LYST: variants seen among roughly 807,000 people sequenced by gnomAD.
LYST encodes the protein lysosomal trafficking regulator, also known as lysosomal-trafficking regulator.
LYST carries 192 observed loss-of-function variants against 413.6 expected under a neutral mutation model. That is an observed-to-expected ratio of 0.46 (90% confidence interval 0.41 to 0.52). The LOEUF (loss-of-function observed/expected upper bound fraction) is 0.52. Among genes scored for constraint, LYST ranks in the 20% least tolerant of loss-of-function variants. LYST has a pLI of 0.00. For synonymous variants in LYST, 1,525 were observed against 1,567.3 expected (o/e 0.97, Z 0.64); for missense variants, 3,815 against 4,499.9 (o/e 0.85, Z 4.35).
chr1:235,783,275 G>GTT (rs76048582), intron 14 of LYST, among the ~76,000 whole-genome samples: 1 of 145,376 alleles, frequency 6.9e-6, no homozygotes, highest in East Asian at 2.0e-4. Context: ...CTATTTTAAT[G>GTT]TTTTTTTTTT....
Position 235,759,578 on chromosome 1 carries a change from A to G in LYST, c.6275T>C (p.Ile2092Thr). 6.2e-7 allele frequency: 1 copy of G among 1,613,322 alleles called. No homozygotes were observed. The highest frequency in any genetic ancestry group is 8.5e-7 in the Non-Finnish European group (1 of 1,179,344). Reference protein sequence around the residue: ...PYEGENSSNIIPQQMAAHMLR... With the variant: ...PYEGENSSNITPQQMAAHMLR... ...CATATGGGCGGCCATCTGTTGTGGA[A>G]TAATATTAGAGGAATTCTCTCCTGG... is the stretch of plus-strand genomic sequence containing the variant. The change falls in exon 23 of 53, where the codon ATT becomes ACT. Residue 2092 changes from isoleucine (I) to threonine (T), a missense_variant. Transcript: ENST00000389793.
chr1:235,762,753 T>A lies in LYST; in HGVS notation c.6220A>T (p.Ser2074Cys). 6.2e-7 allele frequency: 1 copy of A among 1,613,594 alleles called. No homozygotes were observed. The highest frequency in any genetic ancestry group is 8.5e-7 in the Non-Finnish European group (1 of 1,179,630). Residue 2074 changes from serine to cysteine, a missense_variant, in exon 22 of 53, where the codon AGC (serine) becomes TGC (cysteine). Physicochemically the swap from Ser to Cys is moderately radical, Grantham distance 112. Around this residue, in one of 4 missense-constraint regions of LYST, gnomAD observed 530 missense variants for 696.5 expected, o/e 0.76. Coordinates refer to ENST00000389793, the MANE Select transcript of LYST (RefSeq NM_000081.4). ...SLMSPGFMVI[S>C]PSGFTASPYE... ...GGTGAAGCAGTAAAACCAGATGGGC[T>A]TATTACCATAAATCCAGGGCTCATA...
chr1:235,774,133 T>G, intron 18 of LYST, 142 bp from the exon 19 acceptor site: 1 of 645,114 alleles, frequency 1.6e-6, no homozygotes. Context: ...CAAAGTATCT[T>G]TAACTTGTTT....
At chr1:235,781,460 G>A (rs896772705) in intron 15 of LYST, among the ~76,000 whole-genome samples, 2 of 151,840 alleles carry the variant, frequency 1.3e-5, no homozygotes, top group Non-Finnish European at 2.9e-5. Context: ...CTGTCTGAAT[G>A]CTATTATGTG....
intron 10 of LYST, among the ~76,000 whole-genome samples, chr1:235,795,309 A>G (rs754704932): frequency 1.2e-4 from 19 of 152,338 alleles, no homozygotes; most frequent in South Asian, 4.1e-4. Flanking sequence ...GGTCAGGTGT[A>G]TACAGGCTTT....
At chr1:235,667,091 T>A (rs1658555529) in intron 50 of LYST, among the ~76,000 whole-genome samples, 1 of 152,198 alleles carries the variant, frequency 6.6e-6, no homozygotes. Flanking sequence ...TCTGTAAGTA[T>A]CAAAATTTGA....
chr1:235,827,319 T>C, intron 3 of LYST: 1 of 472,642 alleles, frequency 2.1e-6, no homozygotes, highest in Non-Finnish European at 2.8e-6. Flanking sequence ...CAGTGAGCCA[T>C]GATTGTGCCG....
At chr1:235,737,957 G>GTA in intron 31 of LYST, 1 of 1,273,646 alleles carries the variant, frequency 7.9e-7, no homozygotes, top group South Asian at 2.6e-5. Flanking sequence ...CCCGCCGGAC[G>GTA]TGCATTCTCG....
intron 1 of LYST, among the ~76,000 whole-genome samples, chr1:235,859,431 TGAAA>T (rs1679604786): frequency 6.6e-6 from 1 of 152,032 alleles, no homozygotes; most frequent in Non-Finnish European, 1.5e-5. Flanking sequence ...CAAAAGTATT[TGAAA>T]GAATATATTT....
At chr1:235,667,652 A>C (rs1658599209) in intron 50 of LYST, among the ~76,000 whole-genome samples, 1 of 151,720 alleles carries the variant, frequency 6.6e-6, no homozygotes, top group South Asian at 2.1e-4. Flanking sequence ...TAACCTCTGC[A>C]CATCCTCCTG....
chr1:235,767,811 G>A (rs1013166496), intron 20 of LYST, among the ~76,000 whole-genome samples: 7 of 151,974 alleles, frequency 4.6e-5, no homozygotes, highest in Non-Finnish European at 1.0e-4. Flanking sequence ...TTGAAATCTT[G>A]TAAGTCATTA....
intron 36 of LYST, among the ~76,000 whole-genome samples, chr1:235,730,640 CATG>C (rs1664304884): frequency 6.7e-6 from 1 of 149,214 alleles, no homozygotes; most frequent in Non-Finnish European, 1.5e-5. Flanking sequence ...AGGGCCAGAA[CATG>C]ATGACTGAAA....
chr1:235,821,574 T>G (rs1572372044), intron 3 of LYST, among the ~76,000 whole-genome samples: 1 of 152,240 alleles, frequency 6.6e-6, no homozygotes, highest in East Asian at 1.9e-4. Context: ...TATGTACTGT[T>G]TTTCCCAGTG....
chr1:235,881,109 C>T (rs1681356437), intron 1 of LYST, among the ~76,000 whole-genome samples: 1 of 152,144 alleles, frequency 6.6e-6, no homozygotes, highest in Non-Finnish European at 1.5e-5. Context: ...GTTCCTAACT[C>T]CAAATTTCTA....
At position 235,866,024 on chromosome 1, in the gene LYST, T is replaced by A. The variant is rs190905623; in HGVS notation, c.-98+819A>T. ...TGGTCTGCCGAGCGGATCGGGGATG[T>A]TTTGCTATGTTTTGTTTAACCAGAT... On this transcript the variant is annotated intron_variant, in intron 1 of 52. Coordinates refer to ENST00000389793, the MANE Select transcript of LYST (RefSeq NM_000081.4). 1.7e-3 allele frequency among the ~76,000 whole-genome samples: 266 copies of A among 152,170 alleles called. 2 individuals carry two copies. The highest frequency in any genetic ancestry group is 2.4e-3 in the Non-Finnish European group (161 of 67,994).
At chr1:235,756,152 C>A (rs553237396) in intron 24 of LYST, among the ~76,000 whole-genome samples, 3 of 152,160 alleles carry the variant, frequency 2.0e-5, no homozygotes, top group African/African-American at 7.2e-5. Context: ...CCTTCTCTAG[C>A]ATCTTAAATG....
Position 235,686,913 on chromosome 1 carries a change from A to G in LYST, c.10800+36T>C. 6.8e-7 allele frequency: 1 copy of G among 1,467,674 alleles called. No individual in the cohort carries two copies. Among genetic ancestry groups the G allele is most frequent in the Non-Finnish European group, 9.6e-7 (1 of 1,046,312 alleles). 90.9% of individuals were successfully genotyped at this position (1,467,674 alleles called of 1,614,324 possible). A position where few individuals can be genotyped will look rare whatever the true frequency, so the allele number is the denominator to read the frequency against. On this transcript the variant is annotated intron_variant, in intron 48 of 52. Transcript: ENST00000389793. This position sits in a 1 kb window ranked among gnomAD's most constrained non-coding sequence, Gnocchi z 4.0. Reference sequence around the variant, plus strand: ...AAGGCTTTCTTCCCCTCATTGACAAAGTCCCATACTACCCACACAGAAGCC... The same window carrying G: ...AAGGCTTTCTTCCCCTCATTGACAAGGTCCCATACTACCCACACAGAAGCC...
At chr1:235,868,692 T>G (rs1273321903), upstream of LYST, among the ~76,000 whole-genome samples, 1 of 152,034 alleles carries the variant, frequency 6.6e-6, no homozygotes, top group Non-Finnish European at 1.5e-5. Flanking sequence ...GGTACCAGTG[T>G]TTTTTATTTT....
chr1:235,727,230 C>T (rs569394455), intron 38 of LYST, among the ~76,000 whole-genome samples: 9 of 150,054 alleles, frequency 6.0e-5, no homozygotes, highest in Non-Finnish European at 1.3e-4. Flanking sequence ...TCAAGCGATT[C>T]GCCTGCCTCA....
Sources: gnomAD v4.1 joint callset for allele counts (sites outside exome capture counted in the v4.1 genomes callset) on GRCh38, gnomAD v4.1.1 for gene constraint, gnomAD v4.1.1 regional missense constraint, Gnocchi (gnomAD v3.1) non-coding constraint, MANE v1.5 for transcripts, NCBI Gene and HGNC (gene_info 2026-07-23, HGNC 2026-07-21) for gene names.